Variants in SRD5A1 observed in about 807,000 individuals in gnomAD.
SRD5A1 encodes the protein steroid 5 alpha-reductase 1.
A neutral mutation model predicts 28.2 loss-of-function variants in SRD5A1; 22 were observed. The observed-to-expected ratio is 0.78, with a 90% CI of 0.56 to 1.12. The LOEUF is 1.12. Ranked by LOEUF, SRD5A1 falls within the 50% of genes most tolerant of loss-of-function variation. The probability of loss-of-function intolerance (pLI) is 0.00; values close to 1 mark genes in which losing one functional copy is unlikely to be tolerated. For synonymous variants in SRD5A1, 151 were observed against 135.0 expected (o/e 1.12, Z -0.82); for missense variants, 300 against 346.7 (o/e 0.87, Z 1.07).
chr5:6,672,532 C>T lies in SRD5A1; in HGVS notation c.*4264C>T, dbSNP rs1288205470. 4 of 152,228 alleles carry T rather than the reference C, an allele frequency of 2.6e-5. No homozygotes were observed. The highest frequency in any genetic ancestry group is 4.4e-5 in the Non-Finnish European group (3 of 68,044). 9.4% of individuals were successfully genotyped at this position (152,228 alleles called of 1,614,324 possible). On this transcript the variant is annotated 3_prime_UTR_variant, in exon 5 of 5. Transcript: ENST00000274192. ...TCAAGTGATCCACCCACCTTGGCCT[C>T]CCAAGGTGCTGGGATTACAGGCACA...
Position 6,674,172 on chromosome 5 carries a change from A to G in SRD5A1, c.*5904A>G, listed in dbSNP as rs1167664127. 1 of 150,618 alleles carries G rather than the reference A, an allele frequency of 6.6e-6. No individual in the cohort carries two copies. The highest frequency in any genetic ancestry group is 1.5e-5 in the Non-Finnish European group (1 of 67,970). 9.3% of individuals were successfully genotyped at this position (150,618 alleles called of 1,614,324 possible). ...TTATTATCTAAAATGTTATTTAATT[A>G]TTAAATTTAGATGCTACTTAATTTT... On this transcript the variant is annotated 3_prime_UTR_variant, in exon 5 of 5. Transcript: ENST00000274192.
intron 1 of SRD5A1, among the ~76,000 whole-genome samples, chr5:6,649,806 G>A (rs1579402932): frequency 1.3e-5 from 2 of 152,146 alleles, no homozygotes; most frequent in South Asian, 4.2e-4. Context: ...AGTTACCTCA[G>A]TTGGAAATGC....
chr5:6,652,348 G>A (rs780736164), intron 2 of SRD5A1, among the ~76,000 whole-genome samples: 1 of 152,134 alleles, frequency 6.6e-6, no homozygotes, highest in Non-Finnish European at 1.5e-5. Flanking sequence ...AATCTCCTGC[G>A]GTTCCTTCCA....
At chr5:6,663,502 G>A (rs759315349) in intron 4 of SRD5A1, among the ~76,000 whole-genome samples, 10 of 152,168 alleles carry the variant, frequency 6.6e-5, no homozygotes, top group Non-Finnish European at 1.2e-4. Flanking sequence ...TCCAGAGACC[G>A]GGTCCTTGGC....
intron 3 of SRD5A1, among the ~76,000 whole-genome samples, chr5:6,662,312 C>T (rs1007455764): frequency 6.6e-6 from 1 of 152,236 alleles, no homozygotes; most frequent in Non-Finnish European, 1.5e-5. Flanking sequence ...TGTGTGCTCT[C>T]CTTGTTCATG....
At chr5:6,658,645 T>C (rs1738903514) in intron 3 of SRD5A1, among the ~76,000 whole-genome samples, 1 of 152,108 alleles carries the variant, frequency 6.6e-6, no homozygotes, top group South Asian at 2.1e-4. Context: ...CACATGAGAC[T>C]TAGGGAAGAA....
At chr5:6,640,245 T>C (rs181316172) in intron 1 of SRD5A1, among the ~76,000 whole-genome samples, 1 of 152,336 alleles carries the variant, frequency 6.6e-6, no homozygotes, top group African/African-American at 2.4e-5. Flanking sequence ...GTCACAGTTT[T>C]GCAGTGTAAA....
At chr5:6,665,075 T>C (rs773647598) in intron 4 of SRD5A1, among the ~76,000 whole-genome samples, 1 of 152,174 alleles carries the variant, frequency 6.6e-6, no homozygotes, top group African/African-American at 2.4e-5. Flanking sequence ...GAGAACGTTA[T>C]CAGTTGAGAT....
chr5:6,664,573 T>G (rs1739105195), intron 4 of SRD5A1, among the ~76,000 whole-genome samples: 1 of 152,084 alleles, frequency 6.6e-6, no homozygotes, highest in South Asian at 2.1e-4. Context: ...CCTGGCTAAT[T>G]TTTTATATTT....
intron 4 of SRD5A1, among the ~76,000 whole-genome samples, chr5:6,666,662 A>G (rs1013337745): frequency 6.6e-6 from 1 of 152,150 alleles, no homozygotes; most frequent in Non-Finnish European, 1.5e-5. Flanking sequence ...AAAAATAAAT[A>G]TTTTATTTCT....
At position 6,668,256 on chromosome 5, in the gene SRD5A1, A is replaced by G. The variant is rs1739248714; in HGVS notation, c.768A>G (p.Pro256=). 2 of 1,588,238 alleles carry G rather than the reference A, an allele frequency of 1.3e-6. No individual in the cohort carries two copies. The highest frequency in any genetic ancestry group is 1.7e-6 in the Non-Finnish European group (2 of 1,166,564). The change falls in exon 5 of 5, where the codon CCA becomes CCG. Residue 256 remains proline, a synonymous_variant. Coordinates refer to ENST00000274192, the MANE Select transcript of SRD5A1 (RefSeq NM_001047.4). ...CAAAGTTCAGAAAAATTATAATTCC[A>G]TTTTTGTTTTAAGTGCGTTTTTCAT... The part of the protein sequence containing the change: ...EYPKFRKIII[P]FLF
intron 2 of SRD5A1, among the ~76,000 whole-genome samples, chr5:6,654,434 T>TTTTG (rs112962033): frequency 0.017 from 2,623 of 151,456 alleles, 35 homozygotes; most frequent in Non-Finnish European, 0.027. Context: ...TAAGTTTTTT[T>TTTTG]TTTGTTTGTT....
chr5:6,642,078 A>ATAT (rs1238143650), intron 1 of SRD5A1, among the ~76,000 whole-genome samples: 2 of 152,342 alleles, frequency 1.3e-5, no homozygotes, highest in East Asian at 3.9e-4. Context: ...AATTCAAAAT[A>ATAT]TATTATCTTA....
intron 3 of SRD5A1, among the ~76,000 whole-genome samples, chr5:6,660,116 C>A (rs545934570): frequency 1.3e-5 from 2 of 152,322 alleles, no homozygotes; most frequent in African/African-American, 4.8e-5. Context: ...CGTCCATAGT[C>A]AGTACATACA....
Position 6,668,712 on chromosome 5 carries a change from C to G in SRD5A1, c.*444C>G, listed in dbSNP as rs888785501. 6.5e-6 allele frequency: 1 copy of G among 153,100 alleles called. No homozygotes were observed. Among genetic ancestry groups the G allele is most frequent in the Admixed American group, 6.5e-5 (1 of 15,286 alleles). 9.5% of individuals were successfully genotyped at this position (153,100 alleles called of 1,614,324 possible). On this transcript the variant is annotated 3_prime_UTR_variant, in exon 5 of 5. Transcript: ENST00000274192. Reference sequence around the variant, plus strand: ...TATAGGGCTGGAATCTGTCTAGGAGCCCTCTCTCGGAGGCCACAGAGGCTG... The same window carrying G: ...TATAGGGCTGGAATCTGTCTAGGAGGCCTCTCTCGGAGGCCACAGAGGCTG...
chr5:6,655,741 G>C (rs1046321465), intron 2 of SRD5A1, among the ~76,000 whole-genome samples: 12 of 152,222 alleles, frequency 7.9e-5, no homozygotes, highest in African/African-American at 2.9e-4. Context: ...GGATGCGTCT[G>C]TCTGGTGGGC....
In SRD5A1 at chr5:6,662,875, G is replaced by A. The variant is rs749911719; in HGVS notation, c.622G>A (p.Gly208Ser). The stretch of plus-strand genomic sequence containing the variant: ...TTTTGGAGAAATCATGGAGTGGTGT[G>A]GCTATGCCCTGGCCAGCTGGTCTGT... ...NYFGEIMEWCGYALASWSVQG... is the reference protein window; with the variant it reads ...NYFGEIMEWCSYALASWSVQG... Residue 208 changes from glycine to serine, a missense_variant, in exon 4 of 5, where the codon GGC (glycine) becomes AGC (serine). Gly to Ser is a moderately conservative substitution (Grantham distance 56, BLOSUM62 0). Transcript: ENST00000274192. 3 of 1,613,204 alleles carry A rather than the reference G, an allele frequency of 1.9e-6. No individual in the cohort carries two copies. In the Admixed American group the frequency reaches 5.0e-5, roughly 27 times the overall value.
chr5:6,657,966 C>T (rs1738882103), intron 3 of SRD5A1, among the ~76,000 whole-genome samples: 1 of 152,216 alleles, frequency 6.6e-6, no homozygotes, highest in African/African-American at 2.4e-5. Context: ...CAAAACTTAC[C>T]TGAGCAGAAA....
intron 4 of SRD5A1, among the ~76,000 whole-genome samples, chr5:6,666,604 G>A (rs1387424640): frequency 6.6e-6 from 1 of 152,034 alleles, no homozygotes; most frequent in Admixed American, 6.5e-5. Flanking sequence ...TTCTCTTAAA[G>A]GGCAAAATTT....
Sources: gnomAD v4.1 joint callset for allele counts (sites outside exome capture counted in the v4.1 genomes callset) on GRCh38, gnomAD v4.1.1 for gene constraint, MANE v1.5 for transcripts, NCBI Gene and HGNC (gene_info 2026-07-23, HGNC 2026-07-21) for gene names.